The following LARGE1 variants were observed in gnomAD, a reference collection of about 807,000 sequenced individuals.
LARGE1 encodes the protein xylosyl- and glucuronyltransferase LARGE1.
In LARGE1, 43 loss-of-function variants were observed where a neutral mutation model predicts 87.6. That is an observed-to-expected ratio of 0.49 (90% CI 0.38 to 0.63). The LOEUF is 0.63. Ranked by LOEUF, LARGE1 falls within the 30% of genes least tolerant of loss-of-function variation. The probability of loss-of-function intolerance (pLI) is 0.00; values close to 1 mark genes in which losing one functional copy is unlikely to be tolerated. For synonymous variants in LARGE1, 434 were observed against 394.6 expected (o/e 1.10, Z -1.18); for missense variants, 802 against 1,000.2 (o/e 0.80, Z 2.67).
intron 6 of LARGE1, among the ~76,000 whole-genome samples, chr22:33,457,660 G>C (rs1461543429): frequency 1.3e-5 from 2 of 152,140 alleles, no homozygotes; most frequent in African/African-American, 4.8e-5. Flanking sequence ...AAAAAGGAAT[G>C]TAAGTAAAAT....
At chr22:33,438,194 G>A (rs923773444) in intron 6 of LARGE1, among the ~76,000 whole-genome samples, 2 of 152,230 alleles carry the variant, frequency 1.3e-5, no homozygotes, top group East Asian at 1.9e-4. Flanking sequence ...CCTTGATGGT[G>A]CAAACACATC....
At chr22:33,840,621 T>C (rs941136538) in intron 1 of LARGE1, among the ~76,000 whole-genome samples, 1 of 152,050 alleles carries the variant, frequency 6.6e-6, no homozygotes, top group Non-Finnish European at 1.5e-5. Flanking sequence ...ACCCTAGATA[T>C]AAGGTAAGTA....
At chr22:33,395,433 C>T (rs1042503471) in intron 7 of LARGE1, among the ~76,000 whole-genome samples, 56 of 152,168 alleles carry the variant, frequency 3.7e-4, no homozygotes, top group Admixed American at 1.2e-3. Context: ...GGAACATTCC[C>T]TTCTTTCTGC....
intron 6 of LARGE1, among the ~76,000 whole-genome samples, chr22:33,505,168 C>T (rs1270398053): frequency 6.6e-6 from 1 of 152,260 alleles, no homozygotes; most frequent in Non-Finnish European, 1.5e-5. Flanking sequence ...TATCTACTGT[C>T]CTGTCCTCTC....
chr22:33,587,165 T>C (rs2078701446), intron 5 of LARGE1, among the ~76,000 whole-genome samples: 1 of 152,246 alleles, frequency 6.6e-6, no homozygotes, highest in Non-Finnish European at 1.5e-5. Context: ...ATTTCAACGA[T>C]GTACCATACT....
At chr22:33,779,056 C>T (rs1019062592) in intron 1 of LARGE1, among the ~76,000 whole-genome samples, 3 of 152,098 alleles carry the variant, frequency 2.0e-5, no homozygotes, top group Admixed American at 2.0e-4. Context: ...TTACTTTGGG[C>T]CACCGTGAAT....
chr22:33,582,955 C>A (rs773667823), intron 5 of LARGE1, among the ~76,000 whole-genome samples: 1 of 152,128 alleles, frequency 6.6e-6, no homozygotes, highest in Non-Finnish European at 1.5e-5. Flanking sequence ...GCATTTGTGC[C>A]CCCTGCGGAT....
At chr22:33,798,246 G>T (rs1291889737) in intron 1 of LARGE1, among the ~76,000 whole-genome samples, 2 of 152,064 alleles carry the variant, frequency 1.3e-5, no homozygotes, top group Non-Finnish European at 2.9e-5. Flanking sequence ...GCCGAGATCT[G>T]GCCGTTACAC....
chr22:33,606,230 C>T (rs930293278), intron 4 of LARGE1, among the ~76,000 whole-genome samples: 1 of 151,794 alleles, frequency 6.6e-6, no homozygotes, highest in Admixed American at 6.6e-5. Context: ...ACAGTGAAAC[C>T]CCATCTCTAC....
intron 10 of LARGE1, among the ~76,000 whole-genome samples, chr22:33,325,667 T>C (rs995945384): frequency 1.4e-4 from 20 of 140,702 alleles, no homozygotes; most frequent in Non-Finnish European, 8.2e-5. Context: ...CATAGTACGA[T>C]GGACCAATTA....
At chr22:33,150,350 G>C in the LARGE1 span, among the ~76,000 whole-genome samples, 1 of 151,774 alleles carries the variant, frequency 6.6e-6, no homozygotes, top group Non-Finnish European at 1.5e-5. Context: ...CCGATTAAAG[G>C]CTTCTTCCCT....
intron 6 of LARGE1, among the ~76,000 whole-genome samples, chr22:33,448,340 G>C (rs1189078231): frequency 6.6e-6 from 1 of 152,102 alleles, no homozygotes; most frequent in Non-Finnish European, 1.5e-5. Flanking sequence ...GCTTGATTTG[G>C]TCATTCCACA....
intron 6 of LARGE1, among the ~76,000 whole-genome samples, chr22:33,491,938 C>T (rs2069861767): frequency 1.3e-5 from 2 of 152,114 alleles, no homozygotes; most frequent in African/African-American, 2.4e-5. Context: ...AGATGAAAGG[C>T]CGACCCCTTG....
chr22:33,772,966 G>C (rs1221571230), intron 1 of LARGE1, among the ~76,000 whole-genome samples: 1 of 152,208 alleles, frequency 6.6e-6, no homozygotes, highest in Non-Finnish European at 1.5e-5. Context: ...CTAGCTGTCT[G>C]ACTGTACAAC....
chr22:33,726,504 C>A (rs1223016663), intron 2 of LARGE1, among the ~76,000 whole-genome samples: 2 of 152,164 alleles, frequency 1.3e-5, no homozygotes, highest in Non-Finnish European at 2.9e-5. Flanking sequence ...GCAATATTCA[C>A]CGTACAAATC....
At chr22:33,228,443 T>C (rs1247777736) in intron 11 of LARGE1, among the ~76,000 whole-genome samples, 1 of 152,252 alleles carries the variant, frequency 6.6e-6, no homozygotes, top group Non-Finnish European at 1.5e-5. Context: ...CTATGGAAGC[T>C]ACCCTTAAGT....
chr22:33,740,468 T>C (rs1162320543), intron 2 of LARGE1, among the ~76,000 whole-genome samples: 1 of 152,204 alleles, frequency 6.6e-6, no homozygotes, highest in East Asian at 1.9e-4. Context: ...CGAGGACCTA[T>C]TATCTTCAGA....
At chr22:33,255,265 G>C (rs1568991558) in intron 11 of LARGE1, among the ~76,000 whole-genome samples, 2 of 152,120 alleles carry the variant, frequency 1.3e-5, no homozygotes, top group Admixed American at 6.5e-5. Context: ...TCTTAGTTGA[G>C]TCATTGGTAT....
intron 2 of LARGE1, among the ~76,000 whole-genome samples, chr22:33,673,557 C>G (rs566857019): frequency 1.3e-5 from 2 of 152,316 alleles, no homozygotes; most frequent in South Asian, 4.2e-4. Context: ...AGTTGACCAT[C>G]TTTACCATTT....
Sources: gnomAD v4.1 joint callset for allele counts (sites outside exome capture counted in the v4.1 genomes callset) on GRCh38, gnomAD v4.1.1 for gene constraint, MANE v1.5 for transcripts, NCBI Gene and HGNC (gene_info 2026-07-23, HGNC 2026-07-21) for gene names.